The following LRP2BP variants were observed in gnomAD, a reference collection of about 807,000 sequenced individuals.
The protein encoded by LRP2BP is LRP2-binding protein.
In LRP2BP, 38 loss-of-function variants were observed where a neutral mutation model predicts 45.2. The ratio of observed to expected loss-of-function variants is 0.84; its 90% CI spans 0.65 to 1.10. The LOEUF (loss-of-function observed/expected upper bound fraction) is 1.10, where lower values mean the gene tolerates loss of function less well. Ranked by LOEUF, LRP2BP falls within the 50% of genes least tolerant of loss-of-function variation. The pLI is 0.00. For synonymous variants in LRP2BP, 153 were observed against 153.9 expected (o/e 0.99, Z 0.04); for missense variants, 385 against 418.9 (o/e 0.92, Z 0.71).
intron 8 of LRP2BP, among the ~76,000 whole-genome samples, chr4:185,368,760 G>A (rs1053812848): frequency 6.6e-6 from 1 of 151,176 alleles, no homozygotes; most frequent in South Asian, 2.1e-4. Flanking sequence ...TTCTCCCATC[G>A]TATGGAAAAT....
At chr4:185,375,492 A>ATATATATATATATG (rs2095432039) in intron 4 of LRP2BP, 121 bp downstream of exon 4, 2 of 54,826 alleles carry the variant, frequency 3.6e-5, no homozygotes, top group African/African-American at 1.2e-4. Flanking sequence ...AAAAAAATAT[A>ATATATATATATATG]TATATATATA....
intron 1 of LRP2BP, among the ~76,000 whole-genome samples, chr4:185,385,183 C>T (rs930625067): frequency 6.6e-6 from 1 of 152,120 alleles, no homozygotes; most frequent in African/African-American, 2.4e-5. Flanking sequence ...AAAATCTTCC[C>T]GCCGTTTGTG....
At chr4:185,396,629 C>T (rs979225880), upstream of LRP2BP, 11 of 463,832 alleles carry the variant, frequency 2.4e-5, no homozygotes, top group South Asian at 7.9e-5. Context: ...GGCCAATCGG[C>T]GGATGGCCTC....
chr4:185,389,556 T>G (rs970769969), intron 1 of LRP2BP, among the ~76,000 whole-genome samples: 1 of 152,168 alleles, frequency 6.6e-6, no homozygotes, highest in Non-Finnish European at 1.5e-5. Flanking sequence ...TATATGATGC[T>G]AAGTTCTATT....
At chr4:185,367,505 A>G (rs1423332280) in intron 8 of LRP2BP, among the ~76,000 whole-genome samples, 2 of 152,190 alleles carry the variant, frequency 1.3e-5, no homozygotes, top group Non-Finnish European at 2.9e-5. Flanking sequence ...AGCACCAATG[A>G]TAGCATTGTA....
At chr4:185,389,500 G>A (rs554850271) in intron 1 of LRP2BP, among the ~76,000 whole-genome samples, 3 of 152,074 alleles carry the variant, frequency 2.0e-5, no homozygotes, top group South Asian at 4.2e-4. Context: ...GTGAGCCACC[G>A]TGCCCAGCCT....
chr4:185,382,408 G>A (rs1178765230), intron 1 of LRP2BP, among the ~76,000 whole-genome samples: 1 of 152,242 alleles, frequency 6.6e-6, no homozygotes, highest in South Asian at 2.1e-4. Context: ...GGGTCATATG[G>A]TAATTCTATG....
chr4:185,373,441 G>A (rs1299297789), intron 6 of LRP2BP, among the ~76,000 whole-genome samples: 1 of 152,202 alleles, frequency 6.6e-6, no homozygotes, highest in Non-Finnish European at 1.5e-5. Flanking sequence ...GGAAACCACT[G>A]ATGCTAAGGG....
intron 7 of LRP2BP, among the ~76,000 whole-genome samples, chr4:185,371,384 T>A (rs957036379): frequency 1.3e-5 from 2 of 151,328 alleles, no homozygotes; most frequent in Non-Finnish European, 2.9e-5. Flanking sequence ...CTAAAAAAGA[T>A]ACAAAAAATT....
Position 185,373,062 on chromosome 4 carries a change from G to A in LRP2BP, c.597C>T (p.Ser199=), listed in dbSNP as rs750009452. ...KELEKAFYWH[S]EACGNGNLES... ...CCAGATTCCCATTGCCACATGCTTCGGAATGCCAGTAAAATGCCTAAGAAA... is the reference window on the plus strand; with the variant it reads ...CCAGATTCCCATTGCCACATGCTTCAGAATGCCAGTAAAATGCCTAAGAAA... Residue 199 remains serine (S), a synonymous_variant, in exon 7 of 9, where the codon TCC becomes TCT. Transcript: ENST00000505916. The A allele has an allele frequency of 2.0e-5, 32 of 1,606,808 alleles. No homozygotes were observed. The African/African-American group carries it at 2.9e-4, about 15-fold the overall frequency.
intron 1 of LRP2BP, among the ~76,000 whole-genome samples, chr4:185,384,613 G>A (rs1215884563): frequency 1.3e-5 from 2 of 150,602 alleles, no homozygotes; most frequent in African/African-American, 4.9e-5. Context: ...CAACACTGAA[G>A]TTCCTTTCAT....
At chr4:185,378,504 C>A in intron 1 of LRP2BP, 1 of 1,083,932 alleles carries the variant, frequency 9.2e-7, no homozygotes, top group Non-Finnish European at 1.1e-6. Flanking sequence ...GTCAAGTCAC[C>A]CAGCACAAGT....
intron 1 of LRP2BP, among the ~76,000 whole-genome samples, chr4:185,388,491 C>A (rs1221985319): frequency 3.5e-5 from 1 of 28,254 alleles, no homozygotes; most frequent in African/African-American, 1.1e-4. Context: ...AGCCTGCCTA[C>A]CTATCAGGCC....
intron 1 of LRP2BP, among the ~76,000 whole-genome samples, chr4:185,379,880 G>C (rs2095450638): frequency 6.6e-6 from 1 of 152,120 alleles, no homozygotes; most frequent in African/African-American, 2.4e-5. Flanking sequence ...GAGTGCATTG[G>C]TACAATCATA....
chr4:185,386,681 AC>A (rs1281355970), intron 1 of LRP2BP, among the ~76,000 whole-genome samples: 1 of 152,126 alleles, frequency 6.6e-6, no homozygotes, highest in Non-Finnish European at 1.5e-5. Flanking sequence ...AGACAGGTAC[AC>A]CCCAACGTGA....
chr4:185,394,084 C>T (rs2095495443), intron 1 of LRP2BP, among the ~76,000 whole-genome samples: 2 of 151,946 alleles, frequency 1.3e-5, no homozygotes, highest in Admixed American at 1.3e-4. Context: ...CACAGTGAAA[C>T]CCATCTCTAC....
In LRP2BP at chr4:185,366,279, A is replaced by C. The variant is rs1444192999; in HGVS notation, c.*901T>G. 2.6e-5 allele frequency: 4 copies of C among 152,246 alleles called. No individual in the cohort carries two copies. Among genetic ancestry groups the C allele is most frequent in the Non-Finnish European group, 2.9e-5 (2 of 68,040 alleles). 9.4% of individuals were successfully genotyped at this position (152,246 alleles called of 1,614,324 possible). A position where few individuals can be genotyped will look rare whatever the true frequency, so the allele number is the denominator to read the frequency against. Reference sequence around the variant, plus strand: ...AACAATATTTAATTGTAGTTCTTGTAAATGATTTCATTGAGGCTTTTACCA... The same window carrying C: ...AACAATATTTAATTGTAGTTCTTGTCAATGATTTCATTGAGGCTTTTACCA... On this transcript the variant is annotated 3_prime_UTR_variant, in exon 9 of 9. Coordinates refer to ENST00000505916, the MANE Select transcript of LRP2BP (RefSeq NM_001377440.1).
intron 1 of LRP2BP, among the ~76,000 whole-genome samples, chr4:185,389,958 G>C (rs1280121404): frequency 6.6e-6 from 1 of 152,182 alleles, no homozygotes; most frequent in Non-Finnish European, 1.5e-5. Flanking sequence ...GATTTAACTA[G>C]TGTTCAACCG....
intron 7 of LRP2BP, among the ~76,000 whole-genome samples, chr4:185,371,490 C>T (rs956731194): frequency 1.3e-5 from 2 of 148,396 alleles, no homozygotes; most frequent in African/African-American, 2.5e-5. Context: ...TGCAGTGAGC[C>T]GAGATCGCAC....
Sources: gnomAD v4.1 joint callset for allele counts (sites outside exome capture counted in the v4.1 genomes callset) on GRCh38, gnomAD v4.1.1 for gene constraint, MANE v1.5 for transcripts, NCBI Gene and HGNC (gene_info 2026-07-23, HGNC 2026-07-21) for gene names.